The following GREB1 variants were observed in gnomAD, a reference collection of about 807,000 sequenced individuals.
GREB1 encodes growth regulating estrogen receptor binding 1, also known as protein GREB1.
A neutral mutation model predicts 200.7 loss-of-function variants in GREB1; 106 were observed. The ratio of observed to expected loss-of-function variants is 0.53; its 90% confidence interval spans 0.45 to 0.62. The LOEUF (loss-of-function observed/expected upper bound fraction) is 0.62. Among genes scored for constraint, GREB1 ranks in the 20% least tolerant of loss-of-function variants. The pLI, the probability that GREB1 is intolerant of heterozygous loss-of-function variation, is 0.00. For missense variants in GREB1, 2,243 were observed against 2,556.8 expected (o/e 0.88, Z 2.65); for synonymous variants, 1,132 against 1,092.4 (o/e 1.04, Z -0.72).
chr2:11,595,508 A>G, intron 12 of GREB1, 129 bp downstream of exon 12: 1 of 865,836 alleles, frequency 1.2e-6, no homozygotes. Context: ...AGTGCCCCTC[A>G]TTCTGTGCAC....
At chr2:11,511,525 T>C (rs1158100459) in intron 1 of GREB1, among the ~76,000 whole-genome samples, 2 of 151,900 alleles carry the variant, frequency 1.3e-5, no homozygotes, top group Non-Finnish European at 2.9e-5. Flanking sequence ...TAGGGGTGGG[T>C]GGAGAAGGTA....
At chr2:11,545,256 T>C (rs1334494306) in intron 1 of GREB1, among the ~76,000 whole-genome samples, 1 of 151,958 alleles carries the variant, frequency 6.6e-6, no homozygotes, top group Non-Finnish European at 1.5e-5. Flanking sequence ...TGCCTCAGCC[T>C]CCGAGTAGCT....
At chr2:11,590,619 G>A (rs913163805) in intron 10 of GREB1, among the ~76,000 whole-genome samples, 2 of 152,064 alleles carry the variant, frequency 1.3e-5, no homozygotes, top group Admixed American at 6.6e-5. Flanking sequence ...CCCACCCTCC[G>A]GGCCCCTATC....
chr2:11,591,791 G>A (rs2148177732), intron 10 of GREB1: 1 of 242,660 alleles, frequency 4.1e-6, no homozygotes, highest in East Asian at 1.2e-4. Context: ...CCACAATAGA[G>A]ACCTTGCTAA....
rs1388598843 is a variant in GREB1 at position 11,580,657 on chromosome 2, G to A, written c.773-47G>A. On this transcript the variant is annotated intron_variant, in intron 6 of 32. Coordinates refer to ENST00000381486, the MANE Select transcript of GREB1 (RefSeq NM_014668.4). The surrounding 1 kb of genome is among the most constrained non-coding windows in gnomAD (Gnocchi z 4.5). The stretch of plus-strand genomic sequence containing the variant: ...ATTTCCTCCTTGCCTGGCTCCCAGG[G>A]CATTCTTGTGAACTGACCCTCCTCT... 3 of 1,553,862 alleles carry A rather than the reference G, an allele frequency of 1.9e-6. No homozygotes were observed. The highest frequency in any genetic ancestry group is 2.6e-6 in the Non-Finnish European group (3 of 1,148,112).
At chr2:11,562,779 C>G in intron 3 of GREB1, 197 bp downstream of exon 3, 1 of 481,502 alleles carries the variant, frequency 2.1e-6, no homozygotes, top group East Asian at 4.0e-5. Context: ...AACAGGAGCT[C>G]CAGAGACACC....
chr2:11,527,312 A>G (rs1201078745), intron 1 of GREB1, among the ~76,000 whole-genome samples: 2 of 152,220 alleles, frequency 1.3e-5, no homozygotes, highest in Non-Finnish European at 2.9e-5. Flanking sequence ...GGGAAAAGAT[A>G]TTTTCTCATG....
Position 11,602,504 on chromosome 2 carries a change from T to G in GREB1, c.2628T>G (p.Asp876Glu). Reference sequence around the variant, plus strand: ...ACAGCCTCCCCTTGCTCAGATACGATAGCTCCTTTGAGGCCATGGTCACTG... The same window carrying G: ...ACAGCCTCCCCTTGCTCAGATACGAGAGCTCCTTTGAGGCCATGGTCACTG... ...SGHSLPLLRY[D>E]SSFEAMVTAL... Residue 876 changes from aspartate to glutamate, a missense_variant, in exon 17 of 33, where the codon GAT becomes GAG. Asp to Glu is a conservative substitution (Grantham distance 45, BLOSUM62 2). This residue lies in a region of GREB1 where 1,178 missense variants were observed against 1,387.4 expected (regional missense o/e 0.85). Coordinates refer to ENST00000381486, the MANE Select transcript of GREB1 (RefSeq NM_014668.4). The G allele has an allele frequency of 6.2e-7, 1 of 1,613,842 alleles. No individual in the cohort carries two copies. The highest frequency in any genetic ancestry group is 8.5e-7 in the Non-Finnish European group (1 of 1,179,662).
chr2:11,588,944 C>T lies in GREB1; in HGVS notation c.1345+13C>T, dbSNP rs376100875. The T allele has an allele frequency of 8.1e-6, 13 of 1,610,282 alleles. No homozygotes were observed. The Admixed American group carries it at 1.2e-4, about 14-fold the overall frequency. ...CTGGTCCAGCTGGGTGAGTCACCTC[C>T]ACCTCCTGGCCCAGTGGCAGGGAGT... is the stretch of plus-strand genomic sequence containing the variant. On this transcript the variant is annotated intron_variant, in intron 10 of 32. Coordinates refer to ENST00000381486, the MANE Select transcript of GREB1 (RefSeq NM_014668.4).
intron 1 of GREB1, among the ~76,000 whole-genome samples, chr2:11,519,711 C>T (rs1673641357): frequency 6.6e-6 from 1 of 152,022 alleles, no homozygotes; most frequent in South Asian, 2.1e-4. Context: ...CTGCCTTGGC[C>T]TCCCAAAGTG....
intron 1 of GREB1, among the ~76,000 whole-genome samples, chr2:11,540,834 G>T (rs1055754183): frequency 2.6e-5 from 4 of 152,172 alleles, no homozygotes; most frequent in Non-Finnish European, 4.4e-5. Context: ...TATATTGGGG[G>T]CTGACTATTG....
rs999020690 is a variant in GREB1, at chr2:11,483,221, GGGGTGTGCGTGCGTGTGCGTGTAT to G, written c.-159+852_-159+875del. 3.9e-5 allele frequency among the ~76,000 whole-genome samples: 6 copies of G among 152,034 alleles called. No homozygotes were observed. The South Asian group carries it at 1.0e-3, about 26-fold the overall frequency. ...TATAGGTGTGGGCGCGCGTGTGTGTGGGGTGTGCGTGCGTGTGCGTGTATGGGTGTGCGTGTGTGCACGTGTGTG... is the reference window on the plus strand; with the variant it reads ...TATAGGTGTGGGCGCGCGTGTGTGTGGGGTGTGCGTGTGTGCACGTGTGTG... On this transcript the variant is annotated intron_variant, in intron 1 of 2. Transcript: ENST00000628795.
intron 24 of GREB1, among the ~76,000 whole-genome samples, chr2:11,625,927 C>G (rs7585815): frequency 6.6e-6 from 1 of 152,030 alleles, no homozygotes; most frequent in Non-Finnish European, 1.5e-5. Context: ...GTGAAAGGCA[C>G]GTCTTATATA....
At chr2:11,534,752 G>C (rs1000781359) in intron 1 of GREB1, among the ~76,000 whole-genome samples, 1 of 152,192 alleles carries the variant, frequency 6.6e-6, no homozygotes, top group Non-Finnish European at 1.5e-5. Context: ...CATATACCTG[G>C]TTGTTCTCTG....
intron 19 of GREB1, among the ~76,000 whole-genome samples, chr2:11,613,836 G>A (rs1374678284): frequency 1.3e-5 from 2 of 152,140 alleles, no homozygotes; most frequent in African/African-American, 4.8e-5. Flanking sequence ...CTGTTTCATG[G>A]TTGAGTCAAT....
chr2:11,625,062 T>C, intron 23 of GREB1, 92 bp from the exon 24 acceptor site: 1 of 1,033,240 alleles, frequency 9.7e-7, no homozygotes, highest in Non-Finnish European at 1.5e-6. Context: ...GTCGCATTTC[T>C]CAGAACGTAT....
At chr2:11,484,953 C>A (rs1373198432) in intron 1 of GREB1, among the ~76,000 whole-genome samples, 1 of 152,212 alleles carries the variant, frequency 6.6e-6, no homozygotes, top group African/African-American at 2.4e-5. Context: ...TCACGCCATT[C>A]TCCTGCTTCC....
In GREB1 at chr2:11,519,449, G is replaced by T. The variant is rs1265401183; in HGVS notation, c.-158-37008G>T. On this transcript the variant is annotated intron_variant, in intron 1 of 2. Transcript: ENST00000628795. ...TCACATCTTATGATTACTTGTTTTG[G>T]TTTTTTTTTTTTTTTTTTTTTTTGA... Among the ~76,000 whole-genome samples the T allele has an allele frequency of 3.7e-3, 282 of 77,042 alleles. 2 individuals carry two copies. Among genetic ancestry groups the T allele is most frequent in the African/African-American group, 0.012 (222 of 18,494 alleles). 50.5% of individuals were successfully genotyped at this position (77,042 alleles called of 152,430 possible). A position where few individuals can be genotyped will look rare whatever the true frequency, so the allele number is the denominator to read the frequency against.
chr2:11,638,704 T>G lies in GREB1; in HGVS notation c.5581T>G (p.Ser1861Ala), dbSNP rs778681958. ...SVCYVSSRPH[S>A]LNISCSDLLF... ...TTGCTATGTGAGCTCCAGGCCCCACTCTTTAAACATCAGCTGCTCGGACTT... is the reference window on the plus strand; with the variant it reads ...TTGCTATGTGAGCTCCAGGCCCCACGCTTTAAACATCAGCTGCTCGGACTT... Residue 1861 changes from serine (S) to alanine (A), a missense_variant, in exon 32 of 33, where the codon TCT becomes GCT. By Grantham distance (99) the Ser-to-Ala change is moderately conservative. This residue lies in a region of GREB1 where 478 missense variants were observed against 616.3 expected (regional missense o/e 0.78). Transcript: ENST00000381486. 1 of 1,613,998 alleles carries G rather than the reference T, an allele frequency of 6.2e-7. No individual in the cohort carries two copies. The highest frequency in any genetic ancestry group is 1.7e-5 in the Admixed American group (1 of 59,998).
Sources: gnomAD v4.1 joint callset for allele counts (sites outside exome capture counted in the v4.1 genomes callset) on GRCh38, gnomAD v4.1.1 for gene constraint, gnomAD v4.1.1 regional missense constraint, Gnocchi (gnomAD v3.1) non-coding constraint, MANE v1.5 for transcripts, NCBI Gene and HGNC (gene_info 2026-07-23, HGNC 2026-07-21) for gene names.